Variants in MEIOB observed in about 807,000 individuals in gnomAD.
The protein encoded by MEIOB is meiosis specific with OB-fold, also known as meiosis-specific with OB domain-containing protein.
In MEIOB, 50 loss-of-function variants were observed where a neutral mutation model predicts 53.1. That is an observed-to-expected ratio of 0.94 (90% CI 0.75 to 1.19). The LOEUF (loss-of-function observed/expected upper bound fraction) is 1.19, where lower values mean the gene tolerates loss of function less well. Ranked by LOEUF, MEIOB falls within the 50% of genes most tolerant of loss-of-function variation. The pLI, the probability that MEIOB is intolerant of heterozygous loss-of-function variation, is 0.00. For synonymous variants in MEIOB, 192 were observed against 182.5 expected, an observed-to-expected ratio of 1.05 and a Z score of -0.42; for missense variants, 551 against 550.8, an observed-to-expected ratio of 1.00 and a Z score of 0.00.
intron 12 of MEIOB, among the ~76,000 whole-genome samples, chr16:1,838,971 C>T (rs1432772751): frequency 5.3e-5 from 8 of 152,162 alleles, no homozygotes; most frequent in Admixed American, 5.2e-4. Flanking sequence ...AGATTACAGG[C>T]GTGAGCCACG....
intron 13 of MEIOB, 120 bp from the exon 14 acceptor site, chr16:1,834,486 TA>T: frequency 1.4e-5 from 8 of 578,780 alleles, no homozygotes; most frequent in Non-Finnish European, 6.1e-6. Flanking sequence ...TTACAGATAC[TA>T]ATATAAACTT....
chr16:1,854,972 C>T (rs937252196), intron 6 of MEIOB, among the ~76,000 whole-genome samples: 14 of 152,212 alleles, frequency 9.2e-5, no homozygotes, highest in Admixed American at 2.6e-4. Context: ...CCACCTCTGC[C>T]ACCACTGCAT....
chr16:1,870,923 G>A (rs1399772901), intron 1 of MEIOB, among the ~76,000 whole-genome samples: 1 of 152,032 alleles, frequency 6.6e-6, no homozygotes, highest in Non-Finnish European at 1.5e-5. Context: ...TTGACTCAGT[G>A]GCTGAATATT....
chr16:1,864,489 T>C (rs796802504), intron 3 of MEIOB, among the ~76,000 whole-genome samples: 15,790 of 140,764 alleles, frequency 0.11, 1,252 homozygotes, highest in South Asian at 0.22. Flanking sequence ...TTTCTTTTCT[T>C]TTTTTTTTTT....
chr16:1,851,675 A>C (rs985383379), intron 9 of MEIOB, among the ~76,000 whole-genome samples: 2 of 152,184 alleles, frequency 1.3e-5, no homozygotes, highest in African/African-American at 4.8e-5. Flanking sequence ...ACTCATATAA[A>C]AACCAGAGTC....
At position 1,834,343 on chromosome 16, in the gene MEIOB, C is replaced by A. The variant is rs1898681569; in HGVS notation, c.1329G>T (p.Arg443Ser). ...YLKFVLSHRA[R>S]SGLKISVLSC... ...AGAGTACACTAATTTTCAATCCACT[C>A]CTTGCTCTGTGTGATAGAACGAACT... The change falls in exon 14 of 14, where the codon AGG becomes AGT. Residue 443 changes from arginine (R) to serine (S), a missense_variant. Transcript: ENST00000325962. The A allele has an allele frequency of 1.2e-6, 2 of 1,610,166 alleles. No individual in the cohort carries two copies. Among genetic ancestry groups the A allele is most frequent in the East Asian group, 2.2e-5 (1 of 44,846 alleles).
At chr16:1,869,568 C>T (rs996447832) in intron 1 of MEIOB, among the ~76,000 whole-genome samples, 6 of 152,016 alleles carry the variant, frequency 3.9e-5, no homozygotes, top group African/African-American at 1.4e-4. Flanking sequence ...CCACCTCAGC[C>T]TCCCGAGTAG....
At chr16:1,844,312 C>T (rs1438550400) in intron 10 of MEIOB, among the ~76,000 whole-genome samples, 5 of 151,506 alleles carry the variant, frequency 3.3e-5, no homozygotes, top group African/African-American at 9.7e-5. Context: ...TTAGTAGAGA[C>T]GGGATTTCAC....
At chr16:1,862,268 C>T (rs1468228012) in intron 3 of MEIOB, among the ~76,000 whole-genome samples, 152 bp from the exon 4 acceptor site, 1 of 152,074 alleles carries the variant, frequency 6.6e-6, no homozygotes, top group African/African-American at 2.4e-5. Flanking sequence ...AATAAAAATA[C>T]TCAAATACAT....
At chr16:1,861,896 T>C in intron 4 of MEIOB, 89 bp downstream of exon 4, 2 of 1,280,990 alleles carry the variant, frequency 1.6e-6, no homozygotes, top group African/African-American at 3.0e-5. Context: ...GAACTGTGTC[T>C]CATTTCAACT....
rs893503496 is a variant in MEIOB, at chr16:1,850,188, C to T, written c.778+2851G>A. On this transcript the variant is annotated intron_variant, in intron 9 of 13. Transcript: ENST00000325962. ...ATACCATTGTACAGTCAAGCTTGAT[C>T]ATCTTTTCCATCAGACAAATCTGTC... Among the ~76,000 whole-genome samples the T allele has an allele frequency of 8.5e-5, 13 of 152,282 alleles. No individual in the cohort carries two copies. The East Asian group carries it at 2.5e-3, about 29-fold the overall frequency.
chr16:1,847,989 C>T (rs772066114), intron 9 of MEIOB, among the ~76,000 whole-genome samples: 8 of 152,088 alleles, frequency 5.3e-5, no homozygotes, highest in Admixed American at 2.0e-4. Flanking sequence ...GCTCTGTCAC[C>T]GAGGCTGCAG....
intron 1 of MEIOB, among the ~76,000 whole-genome samples, chr16:1,869,126 C>T (rs1899668540): frequency 6.6e-6 from 1 of 151,910 alleles, no homozygotes; most frequent in African/African-American, 2.4e-5. Context: ...TTTGTTTTAA[C>T]TTTTTTTCTT....
chr16:1,850,884 G>T (rs942988423), intron 9 of MEIOB, among the ~76,000 whole-genome samples: 1 of 152,044 alleles, frequency 6.6e-6, no homozygotes, highest in Admixed American at 6.6e-5. Flanking sequence ...TCACGCCACT[G>T]CACTCCAGCC....
rs183749524 is a variant in MEIOB at position 1,843,812 on chromosome 16, A to G, written c.880+1050T>C. Among the ~76,000 whole-genome samples, 139 of 145,910 alleles carry G rather than the reference A, an allele frequency of 9.5e-4. 1 individual carries two copies. Among genetic ancestry groups the G allele is most frequent in the Middle Eastern group, 3.4e-3 (1 of 290 alleles). On this transcript the variant is annotated intron_variant, in intron 10 of 13. Coordinates refer to ENST00000325962, the MANE Select transcript of MEIOB (RefSeq NM_001163560.3). Reference sequence around the variant, plus strand: ...AATAAACTTTACAAAACTAAAGACAATAACCTATTATTCATTTTTATTTTT... The same window carrying G: ...AATAAACTTTACAAAACTAAAGACAGTAACCTATTATTCATTTTTATTTTT...
At chr16:1,866,567 A>G (rs1899597107) in intron 2 of MEIOB, among the ~76,000 whole-genome samples, 1 of 151,914 alleles carries the variant, frequency 6.6e-6, no homozygotes, top group Non-Finnish European at 1.5e-5. Flanking sequence ...CTAAAAATAC[A>G]AAAAATTAGC....
In MEIOB at chr16:1,834,155, T is replaced by G. The variant is rs939948994; in HGVS notation, c.*101A>C. 1.0e-5 allele frequency: 7 copies of G among 681,960 alleles called. No individual in the cohort carries two copies. The African/African-American group carries it at 1.3e-4, about 12-fold the overall frequency. The allele number at this position is 681,960 out of a possible 1,614,324, so 42.2% of individuals were successfully genotyped here. On this transcript the variant is annotated 3_prime_UTR_variant, in exon 14 of 14. Coordinates refer to ENST00000325962, the MANE Select transcript of MEIOB (RefSeq NM_001163560.3). ...TTTCTAGAAACATGTTCACCACATG[T>G]AAACAAAATGCAATTTTCCCCATAA...
Position 1,834,222 on chromosome 16 carries a change from T to TA in MEIOB, c.*33dup, listed in dbSNP as rs1567270399. The TA allele has an allele frequency of 1.7e-6, 2 of 1,162,926 alleles. No individual in the cohort carries two copies. The highest frequency in any genetic ancestry group is 2.6e-6 in the Non-Finnish European group (2 of 781,620). The allele number at this position is 1,162,926 out of a possible 1,614,324, so 72.0% of individuals were successfully genotyped here. A position where few individuals can be genotyped will look rare whatever the true frequency, so the allele number is the denominator to read the frequency against. On this transcript the variant is annotated 3_prime_UTR_variant, in exon 14 of 14. Transcript: ENST00000325962. ...CCATTTTAAAGGGAGTTAAAACTCT[T>TA]ATACTTTTCCAGAGTTCAAAATGAT...
chr16:1,852,100 A>G (rs916851539), intron 9 of MEIOB, among the ~76,000 whole-genome samples: 3 of 152,192 alleles, frequency 2.0e-5, no homozygotes, highest in Admixed American at 6.6e-5. Flanking sequence ...GTGTGCACGC[A>G]TGCATGTGTT....
Sources: allele counts gnomAD v4.1 joint callset (sites outside exome capture counted in the v4.1 genomes callset), GRCh38; gene constraint gnomAD v4.1.1; transcripts MANE v1.5; gene names NCBI Gene and HGNC (gene_info 2026-07-23, HGNC 2026-07-21).